The following EFCAB6 variants were observed in gnomAD, a reference collection of about 807,000 sequenced individuals.
The protein encoded by EFCAB6 is EF-hand calcium binding domain 6, also known as EF-hand calcium-binding domain-containing protein 6.
A neutral mutation model predicts 169.8 loss-of-function variants in EFCAB6; 156 were observed. The observed-to-expected ratio is 0.92, with a 90% confidence interval of 0.81 to 1.05. The LOEUF is 1.05. Among genes scored for constraint, EFCAB6 ranks in the 50% least tolerant of loss-of-function variants. EFCAB6 has a pLI of 0.00. For missense variants in EFCAB6, 1,800 were observed against 1,829.1 expected (o/e 0.98, Z 0.29); for synonymous variants, 698 against 676.4 (o/e 1.03, Z -0.50).
At chr22:43,581,730 C>T (rs965515604) in intron 24 of EFCAB6, among the ~76,000 whole-genome samples, 1 of 152,176 alleles carries the variant, frequency 6.6e-6, no homozygotes, top group African/African-American at 2.4e-5. Flanking sequence ...CAGATATCTG[C>T]TTCTAAAGAA....
At chr22:43,580,155 G>A (rs563424456) in intron 25 of EFCAB6, among the ~76,000 whole-genome samples, 4 of 152,212 alleles carry the variant, frequency 2.6e-5, no homozygotes, top group South Asian at 2.1e-4. Context: ...GCCTGGCTGC[G>A]TTGAGAGCTC....
chr22:43,740,686 A>G (rs559971313), intron 6 of EFCAB6, among the ~76,000 whole-genome samples: 1 of 152,304 alleles, frequency 6.6e-6, no homozygotes, highest in Admixed American at 6.5e-5. Context: ...AACTGGGAAT[A>G]CTGAGTGCAG....
chr22:43,573,718 T>C (rs1602348511), intron 26 of EFCAB6, among the ~76,000 whole-genome samples: 1 of 116,330 alleles, frequency 8.6e-6, no homozygotes. Context: ...GCAACAAGAG[T>C]GAGTCTGTCT....
intron 17 of EFCAB6, among the ~76,000 whole-genome samples, chr22:43,644,092 G>A (rs2055990261): frequency 6.6e-6 from 1 of 152,100 alleles, no homozygotes; most frequent in Non-Finnish European, 1.5e-5. Context: ...CCAAATTGCT[G>A]GGATTCCAGG....
At chr22:43,637,340 A>C (rs2055484606) in intron 17 of EFCAB6, among the ~76,000 whole-genome samples, 1 of 152,240 alleles carries the variant, frequency 6.6e-6, no homozygotes, top group African/African-American at 2.4e-5. Flanking sequence ...CGCAGTCATC[A>C]GCTTCCTTTG....
At chr22:43,564,859 G>C (rs756704812) in intron 26 of EFCAB6, among the ~76,000 whole-genome samples, 3 of 152,160 alleles carry the variant, frequency 2.0e-5, no homozygotes, top group African/African-American at 7.2e-5. Flanking sequence ...TGGATGATCG[G>C]GAAGACAGAA....
At chr22:43,740,765 G>T (rs935994571) in intron 6 of EFCAB6, among the ~76,000 whole-genome samples, 2 of 152,178 alleles carry the variant, frequency 1.3e-5, no homozygotes, top group African/African-American at 4.8e-5. Context: ...CCACCGCTCT[G>T]CCTGAAAGAG....
At chr22:43,540,034 CT>C in intron 28 of EFCAB6, 92 bp downstream of exon 28, 1 of 1,417,666 alleles carries the variant, frequency 7.1e-7, no homozygotes, top group South Asian at 1.3e-5. Context: ...CCACTCAACC[CT>C]GGGCCATAGT....
chr22:43,631,431 T>C (rs929084624), intron 19 of EFCAB6, among the ~76,000 whole-genome samples: 2 of 151,906 alleles, frequency 1.3e-5, no homozygotes, highest in Admixed American at 6.5e-5. Flanking sequence ...GCCACATGCT[T>C]TTCCCCAGAG....
At chr22:43,808,934 A>G (rs2030776309) in intron 2 of EFCAB6, 61 bp downstream of exon 2, 1 of 152,232 alleles carries the variant, frequency 6.6e-6, no homozygotes, top group African/African-American at 2.4e-5. Flanking sequence ...GATGCAGGAT[A>G]ACACCATTTA....
chr22:43,746,002 G>C lies in EFCAB6; in HGVS notation c.507+9764C>G, dbSNP rs966334244. Among the ~76,000 whole-genome samples the C allele has an allele frequency of 2.6e-5, 4 of 152,348 alleles. No individual in the cohort carries two copies. In the East Asian group the frequency reaches 7.7e-4, roughly 29 times the overall value. ...ATTCCATCTGTTTACACTCTGCAGA[G>C]TATTGGCTTCCTACCGTGAACATTT... is the stretch of plus-strand genomic sequence containing the variant. On this transcript the variant is annotated intron_variant, in intron 6 of 31. Coordinates refer to ENST00000262726, the MANE Select transcript of EFCAB6 (RefSeq NM_022785.4).
At chr22:43,748,391 G>C (rs1015802219) in intron 6 of EFCAB6, among the ~76,000 whole-genome samples, 15 of 152,240 alleles carry the variant, frequency 9.9e-5, no homozygotes, top group Admixed American at 8.5e-4. Flanking sequence ...TCTCCTTGCG[G>C]TGCTCTGGCC....
Position 43,590,203 on chromosome 22 carries a change from T to C in EFCAB6, c.2903A>G (p.Asp968Gly), listed in dbSNP as rs924619916. 1.2e-6 allele frequency: 2 copies of C among 1,614,030 alleles called. No individual in the cohort carries two copies. The highest frequency in any genetic ancestry group is 1.3e-5 in the African/African-American group (1 of 75,044). ...AGTTTTGGTGAATGCTTTGCTGATA[T>C]CTTGATGGCGGTCCATAAGCTTATC... ...ARDKLMDRHQDISKAFTKTDQ... is the reference protein window; with the variant it reads ...ARDKLMDRHQGISKAFTKTDQ... Residue 968 changes from aspartate (D) to glycine (G), a missense_variant, in exon 24 of 32, where the codon GAT becomes GGT. By Grantham distance (94) the Asp-to-Gly change is moderately conservative. Coordinates refer to ENST00000262726, the MANE Select transcript of EFCAB6 (RefSeq NM_022785.4).
At chr22:43,614,397 A>G (rs2053548186) in intron 21 of EFCAB6, among the ~76,000 whole-genome samples, 1 of 152,140 alleles carries the variant, frequency 6.6e-6, no homozygotes, top group South Asian at 2.1e-4. Context: ...TTTTCAATAA[A>G]TGGTGCTGGA....
chr22:43,681,434 G>A (rs1353591121), intron 12 of EFCAB6, among the ~76,000 whole-genome samples: 1 of 152,142 alleles, frequency 6.6e-6, no homozygotes, highest in African/African-American at 2.4e-5. Context: ...TGATGCCTTT[G>A]CTTGGTTTTG....
chr22:43,600,647 G>A (rs2052435007), intron 22 of EFCAB6, among the ~76,000 whole-genome samples: 1 of 110,636 alleles, frequency 9.0e-6, no homozygotes, highest in Admixed American at 1.0e-4. Flanking sequence ...CGTTTAGCAG[G>A]GTTTTTTTTT....
At chr22:43,546,994 A>C (rs2048095967) in intron 27 of EFCAB6, among the ~76,000 whole-genome samples, 1 of 152,210 alleles carries the variant, frequency 6.6e-6, no homozygotes, top group Non-Finnish European at 1.5e-5. Context: ...ATCATAACTA[A>C]AGGAAATACT....
chr22:43,784,562 T>C (rs1283717158), intron 2 of EFCAB6, among the ~76,000 whole-genome samples: 9 of 77,096 alleles, frequency 1.2e-4, no homozygotes, highest in East Asian at 4.5e-4. Context: ...TATATACACA[T>C]ATATATGTGT....
At chr22:43,636,037 A>G (rs1382100589) in intron 17 of EFCAB6, among the ~76,000 whole-genome samples, 1 of 152,160 alleles carries the variant, frequency 6.6e-6, no homozygotes, top group Non-Finnish European at 1.5e-5. Flanking sequence ...TCACAATCCA[A>G]ATGGGAAAAC....
Sources: gnomAD v4.1 joint callset for allele counts (sites outside exome capture counted in the v4.1 genomes callset) on GRCh38, gnomAD v4.1.1 for gene constraint, MANE v1.5 for transcripts, NCBI Gene and HGNC (gene_info 2026-07-23, HGNC 2026-07-21) for gene names.